Variants in PPP2R5B observed in about 807,000 individuals in gnomAD.
PPP2R5B encodes the protein serine/threonine-protein phosphatase 2A 56 kDa regulatory subunit beta isoform.
Under a neutral mutation model 59.9 loss-of-function variants are expected in PPP2R5B, and 19 were observed. The ratio of observed to expected loss-of-function variants is 0.32; its 90% CI spans 0.22 to 0.47. PPP2R5B has a LOEUF of 0.47. Among genes scored for constraint, PPP2R5B ranks in the 20% least tolerant of loss-of-function variants. The pLI is 1.00. For synonymous variants in PPP2R5B, 286 were observed against 260.5 expected (o/e 1.10, Z -0.94); for missense variants, 441 against 640.2 (o/e 0.69, Z 3.36).
chr11:64,933,910 A>G lies in PPP2R5B; in HGVS notation c.*66A>G. Reference sequence around the variant, plus strand: ...AGTCCCTCTATCCCTTCTCCTGTCCAGGGGCCCAGAGAGAAACACACCTAC... The same window carrying G: ...AGTCCCTCTATCCCTTCTCCTGTCCGGGGGCCCAGAGAGAAACACACCTAC... On this transcript the variant is annotated 3_prime_UTR_variant, in exon 14 of 14. Coordinates refer to ENST00000164133, the MANE Select transcript of PPP2R5B (RefSeq NM_006244.4). 7.0e-7 allele frequency: 1 copy of G among 1,422,746 alleles called. No homozygotes were observed. The highest frequency in any genetic ancestry group is 1.6e-5 in the South Asian group (1 of 61,500). The allele number at this position is 1,422,746 out of a possible 1,614,324, so 88.1% of individuals were successfully genotyped here.
intron 7 of PPP2R5B, 29 bp from the exon 8 acceptor site, chr11:64,930,452 C>G: frequency 6.2e-7 from 1 of 1,613,692 alleles, no homozygotes; most frequent in South Asian, 1.1e-5. Flanking sequence ...TCACCTGAGC[C>G]CTCTTCCTCT....
chr11:64,923,454 G>T (rs556500495), upstream of PPP2R5B, among the ~76,000 whole-genome samples: 1 of 152,208 alleles, frequency 6.6e-6, no homozygotes, highest in Non-Finnish European at 1.5e-5. Context: ...GGCCGGATGG[G>T]CAAGGCCTGC....
chr11:64,932,106 A>T (rs1323918465), intron 11 of PPP2R5B, among the ~76,000 whole-genome samples: 1 of 152,194 alleles, frequency 6.6e-6, no homozygotes, highest in Non-Finnish European at 1.5e-5. Flanking sequence ...CCGCAGCTGT[A>T]AAATGGGCCA....
rs1173427965 is a variant in PPP2R5B, at chr11:64,932,806, C to T, written c.1158C>T (p.Ile386=). ...TGTATTTCTGGAACAATGAGTATAT[C>T]CTAAGCCTCATTGAGGACAACTGCC... The part of the protein sequence containing the change: ...RALYFWNNEY[I]LSLIEDNCHT... The change falls in exon 12 of 14, where the codon ATC becomes ATT. Residue 386 remains isoleucine, a synonymous_variant. Coordinates refer to ENST00000164133, the MANE Select transcript of PPP2R5B (RefSeq NM_006244.4). 3 of 1,614,094 alleles carry T rather than the reference C, an allele frequency of 1.9e-6. No homozygotes were observed. Among genetic ancestry groups the T allele is most frequent in the Admixed American group, 1.7e-5 (1 of 60,016 alleles).
At chr11:64,922,812 T>C (rs1474563680), upstream of PPP2R5B, among the ~76,000 whole-genome samples, 2 of 150,766 alleles carry the variant, frequency 1.3e-5, no homozygotes, top group African/African-American at 4.9e-5. Flanking sequence ...GAGGCGGAGC[T>C]TGCAGTGAGC....
chr11:64,932,707 C>T (rs1945240025), intron 11 of PPP2R5B, 58 bp from the exon 12 acceptor site: 12 of 1,591,922 alleles, frequency 7.5e-6, no homozygotes, highest in South Asian at 1.2e-5. Context: ...GACACCAGAC[C>T]TTGCACACAG....
At chr11:64,921,501 TC>T (rs1432829015), upstream of PPP2R5B, among the ~76,000 whole-genome samples, 1 of 152,136 alleles carries the variant, frequency 6.6e-6, no homozygotes, top group Admixed American at 6.5e-5. Flanking sequence ...AAGGAGTATC[TC>T]CCTCCCCCCA....
rs559612189 is a variant in PPP2R5B at position 64,925,676 on chromosome 11, C to T, written c.-59C>T. ...TAGTCTGTCCAGTCTCACCCAGCACCTCCCAGGCCCAGAGAGAACCCCCGG... is the reference window on the plus strand; with the variant it reads ...TAGTCTGTCCAGTCTCACCCAGCACTTCCCAGGCCCAGAGAGAACCCCCGG... On this transcript the variant is annotated 5_prime_UTR_variant, in exon 2 of 14. Coordinates refer to ENST00000164133, the MANE Select transcript of PPP2R5B (RefSeq NM_006244.4). The surrounding 1 kb of genome is among the most constrained non-coding windows in gnomAD (Gnocchi z 4.6). 13 of 1,022,176 alleles carry T rather than the reference C, an allele frequency of 1.3e-5. No homozygotes were observed. In the South Asian group the frequency reaches 1.8e-4, roughly 15 times the overall value. The allele number at this position is 1,022,176 out of a possible 1,614,324, so 63.3% of individuals were successfully genotyped here.
upstream of PPP2R5B, among the ~76,000 whole-genome samples, chr11:64,921,942 T>G (rs1945113159): frequency 6.6e-6 from 1 of 152,124 alleles, no homozygotes. Flanking sequence ...AAGCCACACA[T>G]GGTGGCTCAC....
At chr11:64,933,031 G>A (rs1370207155) in intron 12 of PPP2R5B, 114 bp from the exon 13 acceptor site, 8 of 1,500,618 alleles carry the variant, frequency 5.3e-6, no homozygotes, top group Non-Finnish European at 6.4e-6. Flanking sequence ...AAAAGGACAG[G>A]AAAGTGGGCA....
intron 3 of PPP2R5B, among the ~76,000 whole-genome samples, chr11:64,927,398 A>G (rs970067003): frequency 1.3e-5 from 2 of 152,192 alleles, no homozygotes; most frequent in African/African-American, 4.8e-5. Flanking sequence ...GCTGGGGCAG[A>G]TGCTGAAATC....
intron 7 of PPP2R5B, 34 bp downstream of exon 7, chr11:64,930,415 A>T (rs779416967): frequency 1.9e-6 from 3 of 1,613,602 alleles, no homozygotes; most frequent in East Asian, 2.2e-5. Flanking sequence ...GGAGCTCAGG[A>T]TTCTGGAAGG....
chr11:64,931,826 T>C lies in PPP2R5B; in HGVS notation c.1074T>C (p.Leu358=). The C allele has an allele frequency of 1.9e-6, 3 of 1,614,196 alleles. No homozygotes were observed. Among genetic ancestry groups the C allele is most frequent in the Non-Finnish European group, 2.5e-6 (3 of 1,180,032 alleles). ...PSQFVKIQEP[L]FKQVARCVSS... ...AGTTTGTGAAGATCCAGGAGCCCCT[T>C]TTTAAGCAGGTGGCTCGCTGTGTTT... Residue 358 remains leucine (L), a synonymous_variant, in exon 11 of 14, where the codon CTT becomes CTC. Transcript: ENST00000164133. This position sits in a 1 kb window ranked among gnomAD's most constrained non-coding sequence, Gnocchi z 5.0.
intron 3 of PPP2R5B, among the ~76,000 whole-genome samples, chr11:64,927,531 C>T (rs944507585): frequency 2.0e-5 from 3 of 152,012 alleles, no homozygotes; most frequent in Admixed American, 6.6e-5. Context: ...ACAGTGAGAC[C>T]GCATCACTAC....
intron 6 of PPP2R5B, among the ~76,000 whole-genome samples, chr11:64,930,099 G>T (rs574231502): frequency 3.9e-5 from 6 of 152,256 alleles, no homozygotes; most frequent in African/African-American, 1.2e-4. Flanking sequence ...TTGAGCTTGG[G>T]ACTCAGTGGC....
In PPP2R5B at chr11:64,932,747, C is replaced by G; in HGVS notation, c.1117-18C>G. 2 of 1,612,242 alleles carry G rather than the reference C, an allele frequency of 1.2e-6. No homozygotes were observed. On this transcript the variant is annotated intron_variant, in intron 11 of 13. Transcript: ENST00000164133. ...AAGCCACTGCCAGTTAATCACTCTG[C>G]CATCTTGTCTGCCCCAGGTTGCAGA...
Position 64,931,673 on chromosome 11 carries a change from G to A in PPP2R5B, c.996+64G>A, listed in dbSNP as rs1173731599. ...GGGAGGGCTCGGCCTCTAGAAGGCA[G>A]TCAGGTGTGTGTATGTGTAGGGGGA... On this transcript the variant is annotated intron_variant, in intron 10 of 13. Coordinates refer to ENST00000164133, the MANE Select transcript of PPP2R5B (RefSeq NM_006244.4). This position sits in a 1 kb window ranked among gnomAD's most constrained non-coding sequence, Gnocchi z 5.0. The A allele has an allele frequency of 1.9e-5, 30 of 1,613,780 alleles. No homozygotes were observed. Among genetic ancestry groups the A allele is most frequent in the Non-Finnish European group, 2.2e-5 (26 of 1,179,950 alleles).
chr11:64,925,548 C>A lies in PPP2R5B; in HGVS notation c.-187C>A, dbSNP rs574431304. Reference sequence around the variant, plus strand: ...AGGCCTGAGCCATCCTCCTTTCTACCCTGTCTGCCCCCCAGGACTGGGCAG... The same window carrying A: ...AGGCCTGAGCCATCCTCCTTTCTACACTGTCTGCCCCCCAGGACTGGGCAG... On this transcript the variant is annotated 5_prime_UTR_variant, in exon 2 of 14. Transcript: ENST00000164133. The surrounding 1 kb of genome is among the most constrained non-coding windows in gnomAD (Gnocchi z 4.6). 3.9e-4 allele frequency: 223 copies of A among 573,370 alleles called. 1 individual carries two copies. The South Asian group carries it at 4.6e-3, about 12-fold the overall frequency. The allele number at this position is 573,370 out of a possible 1,614,324, so 35.5% of individuals were successfully genotyped here. A position where few individuals can be genotyped will look rare whatever the true frequency, so the allele number is the denominator to read the frequency against.
At chr11:64,933,062 T>C in intron 12 of PPP2R5B, 83 bp from the exon 13 acceptor site, 1 of 1,493,720 alleles carries the variant, frequency 6.7e-7, no homozygotes, top group Middle Eastern at 1.7e-4. Context: ...TCAGGTGGAA[T>C]GCTGTATGTG....
Sources: gnomAD v4.1 joint callset for allele counts (sites outside exome capture counted in the v4.1 genomes callset) on GRCh38, gnomAD v4.1.1 for gene constraint, Gnocchi (gnomAD v3.1) non-coding constraint, MANE v1.5 for transcripts, NCBI Gene and HGNC (gene_info 2026-07-23, HGNC 2026-07-21) for gene names.